PKNOX2: variants seen among roughly 807,000 people sequenced by gnomAD.
PKNOX2 encodes the protein PBX/knotted 1 homeobox 2, also known as homeobox protein PKNOX2.
PKNOX2 carries 14 observed loss-of-function variants against 53.1 expected under a neutral mutation model. The observed-to-expected ratio is 0.26, with a 90% CI of 0.17 to 0.41. PKNOX2 has a LOEUF of 0.41. Among genes scored for constraint, PKNOX2 ranks in the 10% least tolerant of loss-of-function variants. The pLI is 1.00. For synonymous variants in PKNOX2, 257 were observed against 242.8 expected, an observed-to-expected ratio of 1.06 and a Z score of -0.54; for missense variants, 496 against 602.8, an observed-to-expected ratio of 0.82 and a Z score of 1.85.
At chr11:125,367,780 A>G in intron 4 of PKNOX2, 66 bp from the exon 5 acceptor site, 2 of 1,549,636 alleles carry the variant, frequency 1.3e-6, no homozygotes, top group Non-Finnish European at 1.7e-6. Flanking sequence ...CGGACCTCAC[A>G]CTACAGCCTG....
chr11:125,192,059 C>G (rs1223665708), intron 1 of PKNOX2, among the ~76,000 whole-genome samples: 1 of 151,966 alleles, frequency 6.6e-6, no homozygotes, highest in Non-Finnish European at 1.5e-5. Context: ...TATTGTGGCA[C>G]AGGGCACTGT....
chr11:125,428,975 A>G (rs595849), intron 10 of PKNOX2, 37 bp from the exon 11 acceptor site: 1,453,384 of 1,565,818 alleles, frequency 0.93, 674,997 homozygotes, highest in East Asian at 1. Context: ...AGATCAGCAT[A>G]TGCCCAGCCC....
intron 2 of PKNOX2, among the ~76,000 whole-genome samples, chr11:125,264,453 C>T (rs1287282443): frequency 6.6e-6 from 1 of 152,072 alleles, no homozygotes; most frequent in Non-Finnish European, 1.5e-5. Flanking sequence ...AAACTGAGGT[C>T]AGGGATAGTG....
intron 2 of PKNOX2, among the ~76,000 whole-genome samples, chr11:125,286,819 C>T (rs1017945591): frequency 6.6e-6 from 1 of 152,246 alleles, no homozygotes; most frequent in Non-Finnish European, 1.5e-5. Context: ...CTGGCATTGC[C>T]GTTTGGCCAG....
chr11:125,342,466 G>C (rs914808038), intron 3 of PKNOX2, among the ~76,000 whole-genome samples: 1 of 152,150 alleles, frequency 6.6e-6, no homozygotes, highest in African/African-American at 2.4e-5. Context: ...CCTCCTGACT[G>C]CCTCAGAGAA....
At chr11:125,244,302 C>T (rs1394050757) in intron 2 of PKNOX2, among the ~76,000 whole-genome samples, 1 of 152,232 alleles carries the variant, frequency 6.6e-6, no homozygotes, top group African/African-American at 2.4e-5. Context: ...GGCAGTGAGG[C>T]CTACATGCTG....
chr11:125,250,628 C>T (rs542435711), intron 2 of PKNOX2, among the ~76,000 whole-genome samples: 50 of 152,278 alleles, frequency 3.3e-4, no homozygotes, highest in South Asian at 8.3e-4. Context: ...ATTTTTATAT[C>T]GAGGGTGTCT....
intron 2 of PKNOX2, among the ~76,000 whole-genome samples, chr11:125,295,164 A>G (rs1052241575): frequency 6.6e-6 from 1 of 152,182 alleles, no homozygotes; most frequent in Non-Finnish European, 1.5e-5. Context: ...GAGGAGGAAC[A>G]AACCAAAGAT....
At chr11:125,249,926 G>A (rs1439673193) in intron 2 of PKNOX2, among the ~76,000 whole-genome samples, 1 of 152,074 alleles carries the variant, frequency 6.6e-6, no homozygotes, top group Non-Finnish European at 1.5e-5. Flanking sequence ...TTAGCCAGGT[G>A]TGGTGGCGCA....
chr11:125,285,436 T>C (rs1946836951), intron 2 of PKNOX2, among the ~76,000 whole-genome samples: 1 of 152,232 alleles, frequency 6.6e-6, no homozygotes. Context: ...AGTTTAGATC[T>C]GATCTAATAT....
chr11:125,298,440 C>T (rs1449947765), intron 2 of PKNOX2, among the ~76,000 whole-genome samples: 1 of 152,176 alleles, frequency 6.6e-6, no homozygotes, highest in African/African-American at 2.4e-5. Flanking sequence ...GCTCACCCCT[C>T]GGCCTGGCCA....
At chr11:125,220,582 G>C (rs1158096971) in intron 1 of PKNOX2, among the ~76,000 whole-genome samples, 1 of 152,122 alleles carries the variant, frequency 6.6e-6, no homozygotes, top group Non-Finnish European at 1.5e-5. Flanking sequence ...CATGTTGGGG[G>C]AAAAGGAAAC....
chr11:125,187,127 A>T (rs1193512617), intron 1 of PKNOX2, among the ~76,000 whole-genome samples: 3 of 152,206 alleles, frequency 2.0e-5, no homozygotes, highest in Non-Finnish European at 2.9e-5. Flanking sequence ...TTACAGTAAA[A>T]TTTAAAGTTG....
At chr11:125,414,437 G>A (rs1823557565) in intron 10 of PKNOX2, among the ~76,000 whole-genome samples, 2 of 152,178 alleles carry the variant, frequency 1.3e-5, no homozygotes, top group South Asian at 4.1e-4. Flanking sequence ...GAGGCAAGGG[G>A]AGTGGCCACT....
intron 2 of PKNOX2, among the ~76,000 whole-genome samples, chr11:125,238,263 CA>C (rs1942886885): frequency 6.6e-6 from 1 of 152,116 alleles, no homozygotes; most frequent in African/African-American, 2.4e-5. Context: ...GGGGAGGGGG[CA>C]GGGGCGAGAG....
intron 10 of PKNOX2, 80 bp from the exon 11 acceptor site, chr11:125,428,932 C>T (rs950175389): frequency 2.1e-6 from 3 of 1,449,922 alleles, no homozygotes; most frequent in African/African-American, 1.4e-5. Context: ...CAGGATAGTG[C>T]CCATGGCGTG....
Position 125,430,125 on chromosome 11 carries a change from A to G in PKNOX2, c.1176A>G (p.Pro392=). The change falls in exon 12 of 13, where the codon CCA becomes CCG. Residue 392 remains proline (P), a synonymous_variant. Coordinates refer to ENST00000298282, the MANE Select transcript of PKNOX2 (RefSeq NM_001382323.2). ...AGVLQQQGGA[P]GTNPDGSINL... The stretch of plus-strand genomic sequence containing the variant: ...TGCTGCAGCAGCAGGGCGGTGCCCC[A>G]GGGACAAACCCCGATGGTAAGAACT... The G allele has an allele frequency of 6.2e-7, 1 of 1,613,992 alleles. No individual in the cohort carries two copies. Among genetic ancestry groups the G allele is most frequent in the East Asian group, 2.2e-5 (1 of 44,870 alleles).
intron 2 of PKNOX2, among the ~76,000 whole-genome samples, chr11:125,279,200 G>A (rs974975357): frequency 6.6e-6 from 1 of 152,172 alleles, no homozygotes; most frequent in African/African-American, 2.4e-5. Flanking sequence ...GCAACATGTA[G>A]GTGCCATGGC....
At chr11:125,247,226 GA>G (rs1169590657) in intron 2 of PKNOX2, among the ~76,000 whole-genome samples, 2 of 152,118 alleles carry the variant, frequency 1.3e-5, no homozygotes, top group Non-Finnish European at 2.9e-5. Context: ...TTATCCACAT[GA>G]GGTCCTCTTT....
Sources: gnomAD v4.1 joint callset for allele counts (sites outside exome capture counted in the v4.1 genomes callset) on GRCh38, gnomAD v4.1.1 for gene constraint, MANE v1.5 for transcripts, NCBI Gene and HGNC (gene_info 2026-07-23, HGNC 2026-07-21) for gene names.